Variants in ERICH1 observed in about 807,000 individuals in gnomAD.
The protein encoded by ERICH1 is glutamate-rich protein 1.
In ERICH1, 56 loss-of-function variants were observed where a neutral mutation model predicts 39.6. That is an observed-to-expected ratio of 1.41 (90% confidence interval 1.14 to 1.77). The LOEUF (loss-of-function observed/expected upper bound fraction) is 1.77, where lower values mean the gene tolerates loss of function less well. Among genes scored for constraint, ERICH1 ranks in the 40% most tolerant of loss-of-function variants. The pLI is 0.00. For missense variants in ERICH1, 826 were observed against 575.4 expected (o/e 1.44, Z -4.45); for synonymous variants, 313 against 223.6 (o/e 1.40, Z -3.57).
chr8:655,749 A>C (rs1800579015), intron 3 of ERICH1, among the ~76,000 whole-genome samples: 1 of 148,114 alleles, frequency 6.8e-6, no homozygotes. Flanking sequence ...CTCCTCTCTC[A>C]TGCACAGTCA....
At position 632,431 on chromosome 8, in the gene ERICH1, C is replaced by T. The variant is rs78423699; in HGVS notation, c.977-17147G>A. Among the ~76,000 whole-genome samples, 700 of 152,232 alleles carry T rather than the reference C, an allele frequency of 4.6e-3. 4 individuals carry two copies. Among genetic ancestry groups the T allele is most frequent in the African/African-American group, 0.016 (658 of 41,548 alleles). The stretch of plus-strand genomic sequence containing the variant: ...TGAAAGATCAAATAGACCAAAGGTT[C>T]TTAAAGCCCATGTTTTAAAAAAATG... On this transcript the variant is annotated intron_variant, in intron 3 of 3. Coordinates refer to the ERICH1 transcript ENST00000522706.
At chr8:712,894 A>G (rs898107077) in intron 2 of ERICH1, among the ~76,000 whole-genome samples, 2 of 152,230 alleles carry the variant, frequency 1.3e-5, no homozygotes, top group Admixed American at 6.5e-5. Context: ...CTGATTGAAA[A>G]AGCAAGAAAA....
Position 642,242 on chromosome 8 carries a change from T to C in ERICH1, c.976+26356A>G, listed in dbSNP as rs376538358. 1.6e-4 allele frequency among the ~76,000 whole-genome samples: 25 copies of C among 151,942 alleles called. No homozygotes were observed. In the East Asian group the frequency reaches 4.3e-3, roughly 26 times the overall value. ...TCCATCAGGGCCCACAGGTCGGGAA[T>C]GCACACTGCTAACTGCAATTTGCTT... On this transcript the variant is annotated intron_variant, in intron 3 of 3. Transcript: ENST00000522706.
chr8:629,934 CCACA>C (rs1258579593), intron 3 of ERICH1, among the ~76,000 whole-genome samples: 45 of 108,160 alleles, frequency 4.2e-4, no homozygotes, highest in Admixed American at 7.9e-4. Flanking sequence ...CCGTGACCAC[CCACA>C]CAGAGCTGAC....
At chr8:671,157 G>C (rs2131838499) in intron 4 of ERICH1, among the ~76,000 whole-genome samples, 1 of 147,724 alleles carries the variant, frequency 6.8e-6, no homozygotes, top group East Asian at 2.0e-4. Flanking sequence ...TCTAATGTCT[G>C]TGCTCACTGG....
chr8:688,732 AAAC>A (rs1808228860), intron 3 of ERICH1, among the ~76,000 whole-genome samples: 2 of 152,242 alleles, frequency 1.3e-5, no homozygotes, highest in African/African-American at 2.4e-5. Context: ...AGGTCAAAGG[AAAC>A]AACTGCTACT....
At chr8:621,675 C>T (rs1321328605) in intron 3 of ERICH1, among the ~76,000 whole-genome samples, 3 of 151,872 alleles carry the variant, frequency 2.0e-5, no homozygotes, top group African/African-American at 7.3e-5. Flanking sequence ...TTTGAAAAGA[C>T]TGACAAAACG....
At chr8:689,843 A>G (rs1808510044) in intron 3 of ERICH1, among the ~76,000 whole-genome samples, 1 of 152,182 alleles carries the variant, frequency 6.6e-6, no homozygotes, top group African/African-American at 2.4e-5. Flanking sequence ...AGGAATGTCC[A>G]CATCACTGTA....
intron 2 of ERICH1, among the ~76,000 whole-genome samples, chr8:703,148 G>A (rs1812534856): frequency 6.6e-6 from 1 of 152,168 alleles, no homozygotes; most frequent in African/African-American, 2.4e-5. Context: ...ATTCGGGGAG[G>A]GAACTGTGGG....
intron 3 of ERICH1, among the ~76,000 whole-genome samples, chr8:635,763 G>C (rs1374895608): frequency 1.3e-5 from 2 of 152,216 alleles, no homozygotes; most frequent in Non-Finnish European, 2.9e-5. Flanking sequence ...CGCTCCCCCA[G>C]CGTGTGTGTG....
chr8:724,585 G>C (rs1274058882), intron 1 of ERICH1, among the ~76,000 whole-genome samples: 1 of 152,162 alleles, frequency 6.6e-6, no homozygotes, highest in Admixed American at 6.5e-5. Context: ...ACCAAAACAA[G>C]GCTGGGCTAA....
In ERICH1 at chr8:708,681, G is replaced by GTTTTTTGTTTTTTTTTTT; in HGVS notation, c.169+7179_169+7180insAAAAAAAAAAACAAAAAA. ...GGGCTGAGTGGTTACGGGATAATGAGTTTTTTTTTTTTTTTTTTTTTTTTT... is the reference window on the plus strand; with the variant it reads ...GGGCTGAGTGGTTACGGGATAATGAGTTTTTTGTTTTTTTTTTTTTTTTTTTTTTTTTTTTTTTTTTTT... On this transcript the variant is annotated intron_variant, in intron 2 of 5. Coordinates refer to ENST00000262109, the MANE Select transcript of ERICH1 (RefSeq NM_207332.3). 1.6e-3 allele frequency among the ~76,000 whole-genome samples: 106 copies of GTTTTTTGTTTTTTTTTTT among 65,770 alleles called. 1 individual carries two copies. The highest frequency in any genetic ancestry group is 2.3e-3 in the Non-Finnish European group (76 of 33,642). The allele number at this position is 65,770 out of a possible 152,430, so 43.1% of individuals were successfully genotyped here.
chr8:683,678 C>G (rs1014154284), intron 3 of ERICH1, among the ~76,000 whole-genome samples: 1 of 152,094 alleles, frequency 6.6e-6, no homozygotes, highest in African/African-American at 2.4e-5. Flanking sequence ...GGGACCTCAA[C>G]GTTATAAAAA....
intron 5 of ERICH1, chr8:667,327 CT>C (rs1802411412): frequency 6.5e-6 from 1 of 153,740 alleles, no homozygotes. Flanking sequence ...CATCCATCCC[CT>C]GGTCCAGCCA....
At chr8:673,200 T>C (rs973374774) in intron 4 of ERICH1, 89 bp downstream of exon 4, 25 of 1,399,314 alleles carry the variant, frequency 1.8e-5, no homozygotes, top group Non-Finnish European at 2.2e-5. Context: ...TTTTAAAGTA[T>C]GTTTTAACAT....
At chr8:698,614 A>G (rs1810923143) in intron 2 of ERICH1, among the ~76,000 whole-genome samples, 1 of 152,108 alleles carries the variant, frequency 6.6e-6, no homozygotes, top group Non-Finnish European at 1.5e-5. Context: ...TCTGAAAAAC[A>G]TTTTTAAAAA....
chr8:686,611 C>T (rs4333567), intron 3 of ERICH1: 141,424 of 152,336 alleles, frequency 0.93, 65,839 homozygotes, highest in East Asian at 1. Context: ...ATGCCAAAGA[C>T]ACAAAAAACA....
chr8:668,199 T>G, intron 5 of ERICH1: 1 of 258,058 alleles, frequency 3.9e-6, no homozygotes, highest in Non-Finnish European at 7.5e-6. Flanking sequence ...TGGCAGAAAA[T>G]AAAAGTCGTC....
chr8:656,901 T>G, intron 3 of ERICH1: 2 of 946,182 alleles, frequency 2.1e-6, no homozygotes, highest in Non-Finnish European at 2.5e-6. Flanking sequence ...ATTAATTCAT[T>G]TAAGATAAAC....
Sources: gnomAD v4.1 joint callset for allele counts (sites outside exome capture counted in the v4.1 genomes callset) on GRCh38, gnomAD v4.1.1 for gene constraint, MANE v1.5 for transcripts, NCBI Gene and HGNC (gene_info 2026-07-23, HGNC 2026-07-21) for gene names.